The following AASS variants were observed in gnomAD, a reference collection of about 807,000 sequenced individuals.
AASS encodes aminoadipate-semialdehyde synthase.
Under a neutral mutation model 105.4 loss-of-function variants are expected in AASS, and 86 were observed. The observed-to-expected ratio is 0.82, with a 90% CI of 0.69 to 0.98. The LOEUF is 0.98. AASS is among the 50% of genes least tolerant of loss of function. The probability of loss-of-function intolerance (pLI) is 0.00; values close to 1 mark genes in which losing one functional copy is unlikely to be tolerated. For synonymous variants in AASS, 381 were observed against 394.8 expected (o/e 0.96, Z 0.41); for missense variants, 1,048 against 1,143.2 (o/e 0.92, Z 1.20).
intron 21 of AASS, 171 bp from the exon 22 acceptor site, chr7:122,079,121 TAACCTTCAG>T: frequency 4.0e-6 from 6 of 1,511,172 alleles, no homozygotes. Context: ...AGCAATGTTT[TAACCTTCAG>T]AATCTTCTCC....
Position 122,081,583 on chromosome 7 carries a change from C to T in AASS, c.2197G>A (p.Ala733Thr), listed in dbSNP as rs781064687. Residue 733 changes from alanine (A) to threonine (T), a missense_variant, in exon 20 of 24, where the codon GCT becomes ACT. Coordinates refer to ENST00000417368, the MANE Select transcript of AASS (RefSeq NM_005763.4). ...GTLRYKGYMK[A>T]LNGFVKLGLI... ...CCTAATTTTACAAATCCATTCAAAG[C>T]TTTCATATATCCCTGAAACAAGAAT... 5.0e-6 allele frequency: 8 copies of T among 1,612,080 alleles called. No homozygotes were observed. The highest frequency in any genetic ancestry group is 2.2e-5 in the East Asian group (1 of 44,864).
chr7:122,090,458 C>T (rs1245911420), intron 18 of AASS, among the ~76,000 whole-genome samples: 1 of 152,122 alleles, frequency 6.6e-6, no homozygotes, highest in Non-Finnish European at 1.5e-5. Flanking sequence ...ATATCACAGG[C>T]ACAAAAGACC....
chr7:122,090,400 C>G (rs1562910538), intron 18 of AASS, among the ~76,000 whole-genome samples: 1 of 152,072 alleles, frequency 6.6e-6, no homozygotes, highest in Admixed American at 6.6e-5. Context: ...GGCGCTGGTA[C>G]TTTTTAAACT....
At chr7:122,110,767 G>T (rs1010101445) in intron 11 of AASS, among the ~76,000 whole-genome samples, 41 of 146,572 alleles carry the variant, frequency 2.8e-4, no homozygotes, top group African/African-American at 4.5e-4. Flanking sequence ...ATAATGTGGA[G>T]ATATATATAT....
chr7:122,116,529 G>A, intron 8 of AASS, 104 bp downstream of exon 8: 4 of 1,466,588 alleles, frequency 2.7e-6, no homozygotes, highest in South Asian at 1.2e-5. Context: ...ACTCACAACA[G>A]GAAAACTGAA....
intron 15 of AASS, among the ~76,000 whole-genome samples, chr7:122,098,152 A>C (rs1794254770): frequency 6.6e-6 from 1 of 152,004 alleles, no homozygotes; most frequent in Non-Finnish European, 1.5e-5. Flanking sequence ...AAATGTCAGA[A>C]GCCAGGATAG....
rs1406657658 is a variant in AASS, at chr7:122,074,241, C to A, written c.*2248G>T. ...CCCTGATGGCTAGTGATGTTGAGAA[C>A]CTTTTCATGTGCTTATTGGCCTTTT... On this transcript the variant is annotated 3_prime_UTR_variant, in exon 24 of 24. Coordinates refer to ENST00000417368, the MANE Select transcript of AASS (RefSeq NM_005763.4). Among the ~76,000 whole-genome samples the A allele has an allele frequency of 1.3e-5, 2 of 152,086 alleles. No homozygotes were observed. Among genetic ancestry groups the A allele is most frequent in the African/African-American group, 4.8e-5 (2 of 41,410 alleles).
At chr7:122,099,795 A>T (rs1794341655) in intron 13 of AASS, among the ~76,000 whole-genome samples, 1 of 151,888 alleles carries the variant, frequency 6.6e-6, no homozygotes, top group Non-Finnish European at 1.5e-5. Context: ...AAATATAAGT[A>T]TAAAAAATTC....
chr7:122,117,223 G>C (rs1362945590), intron 6 of AASS, among the ~76,000 whole-genome samples: 1 of 152,070 alleles, frequency 6.6e-6, no homozygotes. Flanking sequence ...AGAGTGTTTA[G>C]AAATGAGGGA....
intron 1 of AASS, among the ~76,000 whole-genome samples, chr7:122,135,265 A>G (rs1411202296): frequency 2.0e-5 from 2 of 99,190 alleles, no homozygotes; most frequent in African/African-American, 1.3e-4. Context: ...CTAGAACTTA[A>G]AGTATTAAAA....
chr7:122,073,696 C>T lies in AASS; in HGVS notation c.*2793G>A, dbSNP rs146016209. Among the ~76,000 whole-genome samples, 62 of 152,212 alleles carry T rather than the reference C, an allele frequency of 4.1e-4. No individual in the cohort carries two copies. The highest frequency in any genetic ancestry group is 1.3e-3 in the African/African-American group (56 of 41,534). On this transcript the variant is annotated 3_prime_UTR_variant, in exon 24 of 24. Coordinates refer to ENST00000417368, the MANE Select transcript of AASS (RefSeq NM_005763.4). ...CAACTTTACAACGTTTACATCACCC[C>T]AAAAAAGAAACCCCATACTAATTAG...
chr7:122,132,166 A>C (rs1212383207), intron 2 of AASS, among the ~76,000 whole-genome samples: 2 of 152,162 alleles, frequency 1.3e-5, no homozygotes, highest in Admixed American at 6.5e-5. Context: ...TCCTCATAAC[A>C]AGGCTTTAAA....
intron 15 of AASS, 116 bp downstream of exon 15, chr7:122,098,334 T>C (rs1794262941): frequency 1.7e-6 from 2 of 1,180,658 alleles, no homozygotes; most frequent in Non-Finnish European, 2.4e-6. Context: ...GGACCCATAC[T>C]TCAATTAAAA....
At chr7:122,086,234 G>T in intron 18 of AASS, 55 bp from the exon 19 acceptor site, 1 of 1,548,380 alleles carries the variant, frequency 6.5e-7, no homozygotes. Context: ...TTCTTTTAGG[G>T]CTTATCTGCA....
intron 2 of AASS, 25 bp from the exon 3 acceptor site, chr7:122,129,562 G>T (rs781564340): frequency 6.2e-7 from 1 of 1,606,496 alleles, no homozygotes; most frequent in African/African-American, 1.3e-5. Flanking sequence ...ATGATTAAAG[G>T]TTATTATCCT....
chr7:122,095,668 T>C (rs1238401969), intron 15 of AASS, among the ~76,000 whole-genome samples: 1 of 151,860 alleles, frequency 6.6e-6, no homozygotes, highest in African/African-American at 2.4e-5. Flanking sequence ...AAATTTATTA[T>C]AATGCAGAAT....
chr7:122,076,390 T>A lies in AASS; in HGVS notation c.*99A>T. Reference sequence around the variant, plus strand: ...ACATTGTGTTAACCAAAACATATTATGCTTTATACTTTAAAACAGCACATT... The same window carrying A: ...ACATTGTGTTAACCAAAACATATTAAGCTTTATACTTTAAAACAGCACATT... On this transcript the variant is annotated 3_prime_UTR_variant, in exon 24 of 24. Coordinates refer to ENST00000417368, the MANE Select transcript of AASS (RefSeq NM_005763.4). 1.2e-6 allele frequency: 1 copy of A among 826,332 alleles called. No homozygotes were observed. The highest frequency in any genetic ancestry group is 2.1e-6 in the Non-Finnish European group (1 of 470,192). The allele number at this position is 826,332 out of a possible 1,614,324, so 51.2% of individuals were successfully genotyped here. A position where few individuals can be genotyped will look rare whatever the true frequency, so the allele number is the denominator to read the frequency against.
At chr7:122,108,380 C>T (rs1489848787) in intron 11 of AASS, among the ~76,000 whole-genome samples, 1 of 152,036 alleles carries the variant, frequency 6.6e-6, no homozygotes, top group Non-Finnish European at 1.5e-5. Context: ...AAAAAGTAAA[C>T]TTCAGGCCAA....
chr7:122,135,015 A>G (rs553609649), intron 1 of AASS, among the ~76,000 whole-genome samples: 1 of 152,268 alleles, frequency 6.6e-6, no homozygotes, highest in South Asian at 2.1e-4. Context: ...TGAGCAAACT[A>G]TCACAAGGAC....
Sources: gnomAD v4.1 joint callset for allele counts (sites outside exome capture counted in the v4.1 genomes callset) on GRCh38, gnomAD v4.1.1 for gene constraint, MANE v1.5 for transcripts, NCBI Gene and HGNC (gene_info 2026-07-23, HGNC 2026-07-21) for gene names.